TGFB1I1: variants seen among roughly 807,000 people sequenced by gnomAD.
The protein encoded by TGFB1I1 is transforming growth factor beta 1 induced transcript 1, also known as transforming growth factor beta-1-induced transcript 1 protein.
TGFB1I1 carries 33 observed loss-of-function variants against 52.0 expected under a neutral mutation model. The ratio of observed to expected loss-of-function variants is 0.63; its 90% confidence interval spans 0.48 to 0.85. The LOEUF (loss-of-function observed/expected upper bound fraction) is 0.85. TGFB1I1 is among the 40% of genes least tolerant of loss of function. The probability of loss-of-function intolerance (pLI) is 0.00; values close to 1 mark genes in which losing one functional copy is unlikely to be tolerated. For synonymous variants in TGFB1I1, 236 were observed against 253.3 expected, an observed-to-expected ratio of 0.93 and a Z score of 0.65; for missense variants, 577 against 614.9, an observed-to-expected ratio of 0.94 and a Z score of 0.65.
At chr16:31,475,767 C>T in intron 7 of TGFB1I1, 4 of 458,362 alleles carry the variant, frequency 8.7e-6, no homozygotes, top group Non-Finnish European at 1.5e-5. Context: ...TTTATGGGCC[C>T]CTAAATGTAT....
chr16:31,476,742 G>A lies in TGFB1I1; in HGVS notation c.971-120G>A, dbSNP rs1310733455. On this transcript the variant is annotated intron_variant, in intron 9 of 10. Transcript: ENST00000394863. This position sits in a 1 kb window ranked among gnomAD's most constrained non-coding sequence, Gnocchi z 7.6. The stretch of plus-strand genomic sequence containing the variant: ...CCCGCTCTGTCCCGCCATAGACCCG[G>A]CTCCTCCTTCCCCAAGGCTCCCTCG... 6 of 1,522,624 alleles carry A rather than the reference G, an allele frequency of 3.9e-6. No homozygotes were observed. Among genetic ancestry groups the A allele is most frequent in the African/African-American group, 1.4e-5 (1 of 72,612 alleles). The allele number at this position is 1,522,624 out of a possible 1,614,324, so 94.3% of individuals were successfully genotyped here. A position where few individuals can be genotyped will look rare whatever the true frequency, so the allele number is the denominator to read the frequency against.
Position 31,474,118 on chromosome 16 carries a change from C to A in TGFB1I1, c.326-34C>A, listed in dbSNP as rs1227456551. 2 of 1,611,754 alleles carry A rather than the reference C, an allele frequency of 1.2e-6. No homozygotes were observed. ...AAGTGTGAGGGTGCGTTGAGCATGG[C>A]CCTATATGTAGCGTCCTCCTCTCCT... On this transcript the variant is annotated intron_variant, in intron 4 of 10. Transcript: ENST00000394863. The surrounding 1 kb of genome is among the most constrained non-coding windows in gnomAD (Gnocchi z 4.2).
At position 31,473,671 on chromosome 16, in the gene TGFB1I1, C is replaced by T; in HGVS notation, c.130-11C>T. ...GGCCTGTCATCCCACCTGTGCGTCT[C>T]CGCTCTGTAGACAGGGTCTGGGGAG... On this transcript the variant is annotated splice_polypyrimidine_tract_variant and intron_variant, in intron 2 of 10. Transcript: ENST00000394863. 7 of 1,569,052 alleles carry T rather than the reference C, an allele frequency of 4.5e-6. No homozygotes were observed. The highest frequency in any genetic ancestry group is 6.1e-6 in the Non-Finnish European group (7 of 1,156,864).
rs561295563 is a variant in TGFB1I1, at chr16:31,476,491, C to G, written c.899C>G (p.Thr300Ser). The G allele has an allele frequency of 1.2e-6, 2 of 1,612,768 alleles. No homozygotes were observed. The highest frequency in any genetic ancestry group is 1.7e-6 in the Non-Finnish European group (2 of 1,179,726). ...CNQPIRHKMV[T>S]ALGTHWHPEH... is the part of the protein sequence containing the mutation. The stretch of plus-strand genomic sequence containing the variant: ...TCTCCCTCCCTGCAGAAGATGGTGA[C>G]CGCCTTGGGCACTCACTGGCACCCA... The change falls in exon 9 of 11, where the codon ACC (threonine) becomes AGC (serine). Residue 300 changes from threonine to serine, a missense_variant. Thr to Ser is a moderately conservative substitution (Grantham distance 58). Coordinates refer to ENST00000394863, the MANE Select transcript of TGFB1I1 (RefSeq NM_001042454.3). The surrounding 1 kb of genome is among the most constrained non-coding windows in gnomAD (Gnocchi z 7.6).
chr16:31,476,304 C>G lies in TGFB1I1; in HGVS notation c.888+119C>G. On this transcript the variant is annotated intron_variant, in intron 8 of 10. Coordinates refer to ENST00000394863, the MANE Select transcript of TGFB1I1 (RefSeq NM_001042454.3). This position sits in a 1 kb window ranked among gnomAD's most constrained non-coding sequence, Gnocchi z 7.6. ...ACCCCACTCCACCCCTACCCCTTCCCCTTGGCAATGTCCACGGCCCCTTGG... is the reference window on the plus strand; with the variant it reads ...ACCCCACTCCACCCCTACCCCTTCCGCTTGGCAATGTCCACGGCCCCTTGG... 7.0e-7 allele frequency: 1 copy of G among 1,422,704 alleles called. No individual in the cohort carries two copies. The highest frequency in any genetic ancestry group is 2.3e-5 in the East Asian group (1 of 42,946). The allele number at this position is 1,422,704 out of a possible 1,614,324, so 88.1% of individuals were successfully genotyped here.
chr16:31,477,482 G>A lies in TGFB1I1; in HGVS notation c.1292G>A (p.Cys431Tyr). ...CGCTTCCACCCGGACCACTTCACAT[G>A]CACCTTCTGCCTGCGCCCGCTCACC... is the stretch of plus-strand genomic sequence containing the variant. ...GRRFHPDHFT[C>Y]TFCLRPLTKG... Residue 431 changes from cysteine to tyrosine, a missense_variant, in exon 11 of 11, where the codon TGC (cysteine) becomes TAC (tyrosine). By Grantham distance (194) the Cys-to-Tyr change is radical. Around this residue, in one of 3 missense-constraint regions of TGFB1I1, gnomAD observed 456 missense variants for 461.6 expected, o/e 0.99. Transcript: ENST00000394863. This position sits in a 1 kb window ranked among gnomAD's most constrained non-coding sequence, Gnocchi z 4.7. 1 of 1,605,968 alleles carries A rather than the reference G, an allele frequency of 6.2e-7. No individual in the cohort carries two copies. The highest frequency in any genetic ancestry group is 8.5e-7 in the Non-Finnish European group (1 of 1,176,766).
In TGFB1I1 at chr16:31,476,425, G is replaced by C; in HGVS notation, c.889-56G>C. 6.4e-7 allele frequency: 1 copy of C among 1,551,878 alleles called. No homozygotes were observed. Among genetic ancestry groups the C allele is most frequent in the Non-Finnish European group, 8.8e-7 (1 of 1,137,364 alleles). On this transcript the variant is annotated intron_variant, in intron 8 of 10. Transcript: ENST00000394863. This position sits in a 1 kb window ranked among gnomAD's most constrained non-coding sequence, Gnocchi z 7.6. ...GTCCAGTCACCCGGGTTCCGCGCGG[G>C]AGAGGAAGGCGCGAAGGCACGGAGG... is the stretch of plus-strand genomic sequence containing the variant.
In TGFB1I1 at chr16:31,477,033, TTGGAGGGGCGG is replaced by T. The variant is rs755880725; in HGVS notation, c.1119+24_1119+34del. 204 of 1,547,666 alleles carry T rather than the reference TTGGAGGGGCGG, an allele frequency of 1.3e-4. 2 individuals are homozygous for T. The East Asian group carries it at 2.7e-3, about 21-fold the overall frequency. ...AGGGTGCGAGCTGCGGGGCGGGGCG[TTGGAGGGGCGG>T]GTCAAGGGTACAGGGCTGTGGGGCG... On this transcript the variant is annotated intron_variant, in intron 10 of 10. Coordinates refer to ENST00000394863, the MANE Select transcript of TGFB1I1 (RefSeq NM_001042454.3). The surrounding 1 kb of genome is among the most constrained non-coding windows in gnomAD (Gnocchi z 4.7).
chr16:31,473,665 G>A lies in TGFB1I1; in HGVS notation c.130-17G>A. The A allele has an allele frequency of 1.3e-6, 2 of 1,572,360 alleles. No individual in the cohort carries two copies. Among genetic ancestry groups the A allele is most frequent in the South Asian group, 2.4e-5 (2 of 83,972 alleles). On this transcript the variant is annotated splice_polypyrimidine_tract_variant and intron_variant, in intron 2 of 10. Transcript: ENST00000394863. ...AGTGCAGGCCTGTCATCCCACCTGTGCGTCTCCGCTCTGTAGACAGGGTCT... is the reference window on the plus strand; with the variant it reads ...AGTGCAGGCCTGTCATCCCACCTGTACGTCTCCGCTCTGTAGACAGGGTCT...
chr16:31,476,327 T>C lies in TGFB1I1; in HGVS notation c.888+142T>C. 1 of 1,271,262 alleles carries C rather than the reference T, an allele frequency of 7.9e-7. No individual in the cohort carries two copies. The highest frequency in any genetic ancestry group is 1.1e-6 in the Non-Finnish European group (1 of 923,356). The allele number at this position is 1,271,262 out of a possible 1,614,324, so 78.7% of individuals were successfully genotyped here. ...CCCCTTGGCAATGTCCACGGCCCCTTGGACTCCACTCTTCCTTTCTGACCC... is the reference window on the plus strand; with the variant it reads ...CCCCTTGGCAATGTCCACGGCCCCTCGGACTCCACTCTTCCTTTCTGACCC... On this transcript the variant is annotated intron_variant, in intron 8 of 10. Coordinates refer to ENST00000394863, the MANE Select transcript of TGFB1I1 (RefSeq NM_001042454.3). This position sits in a 1 kb window ranked among gnomAD's most constrained non-coding sequence, Gnocchi z 7.6.
chr16:31,476,297 C>T lies in TGFB1I1; in HGVS notation c.888+112C>T, dbSNP rs531488756. The T allele has an allele frequency of 6.9e-7, 1 of 1,447,078 alleles. No individual in the cohort carries two copies. Among genetic ancestry groups the T allele is most frequent in the Non-Finnish European group, 9.3e-7 (1 of 1,072,446 alleles). 89.6% of individuals were successfully genotyped at this position (1,447,078 alleles called of 1,614,324 possible). ...CCGCGATACCCCACTCCACCCCTAC[C>T]CCTTCCCCTTGGCAATGTCCACGGC... is the stretch of plus-strand genomic sequence containing the variant. On this transcript the variant is annotated intron_variant, in intron 8 of 10. Coordinates refer to ENST00000394863, the MANE Select transcript of TGFB1I1 (RefSeq NM_001042454.3). This position sits in a 1 kb window ranked among gnomAD's most constrained non-coding sequence, Gnocchi z 7.6.
chr16:31,476,677 G>T lies in TGFB1I1; in HGVS notation c.970+115G>T. 7.0e-7 allele frequency: 1 copy of T among 1,431,772 alleles called. No individual in the cohort carries two copies. The allele number at this position is 1,431,772 out of a possible 1,614,324, so 88.7% of individuals were successfully genotyped here. ...ATGGTTTTCCTTCTGCTCTCTTCTG[G>T]CCCTGCCCTCTCCTACACAGACTCC... is the stretch of plus-strand genomic sequence containing the variant. On this transcript the variant is annotated intron_variant, in intron 9 of 10. Transcript: ENST00000394863. The surrounding 1 kb of genome is among the most constrained non-coding windows in gnomAD (Gnocchi z 7.6).
At position 31,472,178 on chromosome 16, in the gene TGFB1I1, C is replaced by A. The variant is rs1260679404; in HGVS notation, c.-11C>A. The A allele has an allele frequency of 6.8e-7, 1 of 1,470,030 alleles. No individual in the cohort carries two copies. The highest frequency in any genetic ancestry group is 1.3e-5 in the South Asian group (1 of 75,788). 91.1% of individuals were successfully genotyped at this position (1,470,030 alleles called of 1,614,324 possible). On this transcript the variant is annotated 5_prime_UTR_variant, in exon 1 of 11. Coordinates refer to ENST00000394863, the MANE Select transcript of TGFB1I1 (RefSeq NM_001042454.3). The stretch of plus-strand genomic sequence containing the variant: ...CCCTGTTCGCCCCGCGCCACCGGCC[C>A]GCGCCCCGCCATGGAGGACCTGGGT...
At chr16:31,475,740 A>T (rs1002209755) in intron 7 of TGFB1I1, 4 of 389,290 alleles carry the variant, frequency 1.0e-5, no homozygotes, top group South Asian at 5.5e-5. Flanking sequence ...TTTTGATTTT[A>T]AAAAAATTAA....
Position 31,477,057 on chromosome 16 carries a change from G to A in TGFB1I1, c.1119+47G>A. 4.0e-6 allele frequency: 6 copies of A among 1,513,164 alleles called. No homozygotes were observed. Among genetic ancestry groups the A allele is most frequent in the Non-Finnish European group, 5.3e-6 (6 of 1,133,942 alleles). 93.7% of individuals were successfully genotyped at this position (1,513,164 alleles called of 1,614,324 possible). On this transcript the variant is annotated intron_variant, in intron 10 of 10. Transcript: ENST00000394863. This position sits in a 1 kb window ranked among gnomAD's most constrained non-coding sequence, Gnocchi z 4.7. ...GTTGGAGGGGCGGGTCAAGGGTACA[G>A]GGCTGTGGGGCGGGGCCTTGGAGGG...
chr16:31,477,166 G>A lies in TGFB1I1; in HGVS notation c.1120-144G>A. On this transcript the variant is annotated intron_variant, in intron 10 of 10. Coordinates refer to ENST00000394863, the MANE Select transcript of TGFB1I1 (RefSeq NM_001042454.3). The surrounding 1 kb of genome is among the most constrained non-coding windows in gnomAD (Gnocchi z 4.7). ...CTGCTAGGAACCTCGGGTGGGGCGA[G>A]TTTTCCGGGCAGGGTCCCACCGGAC... The A allele has an allele frequency of 1.4e-6, 2 of 1,434,332 alleles. No individual in the cohort carries two copies. The highest frequency in any genetic ancestry group is 5.0e-5 in the East Asian group (2 of 40,036). 88.9% of individuals were successfully genotyped at this position (1,434,332 alleles called of 1,614,324 possible).
chr16:31,476,351 C>G lies in TGFB1I1; in HGVS notation c.889-130C>G. On this transcript the variant is annotated intron_variant, in intron 8 of 10. Coordinates refer to ENST00000394863, the MANE Select transcript of TGFB1I1 (RefSeq NM_001042454.3). This position sits in a 1 kb window ranked among gnomAD's most constrained non-coding sequence, Gnocchi z 7.6. ...TTGGACTCCACTCTTCCTTTCTGACCCCCACGTTCCTAGTTAGATCTTCTC... is the reference window on the plus strand; with the variant it reads ...TTGGACTCCACTCTTCCTTTCTGACGCCCACGTTCCTAGTTAGATCTTCTC... 8.1e-7 allele frequency: 1 copy of G among 1,230,288 alleles called. No individual in the cohort carries two copies. The highest frequency in any genetic ancestry group is 1.1e-6 in the Non-Finnish European group (1 of 883,526). The allele number at this position is 1,230,288 out of a possible 1,614,324, so 76.2% of individuals were successfully genotyped here.
chr16:31,474,123 T>C lies in TGFB1I1; in HGVS notation c.326-29T>C. On this transcript the variant is annotated intron_variant, in intron 4 of 10. Coordinates refer to ENST00000394863, the MANE Select transcript of TGFB1I1 (RefSeq NM_001042454.3). The surrounding 1 kb of genome is among the most constrained non-coding windows in gnomAD (Gnocchi z 4.2). ...TGAGGGTGCGTTGAGCATGGCCCTA[T>C]ATGTAGCGTCCTCCTCTCCTCTCTC... 2 of 1,612,920 alleles carry C rather than the reference T, an allele frequency of 1.2e-6. No individual in the cohort carries two copies. Among genetic ancestry groups the C allele is most frequent in the Non-Finnish European group, 8.5e-7 (1 of 1,179,118 alleles).
rs2082412227 is a variant in TGFB1I1, at chr16:31,474,651, G to T, written c.608G>T (p.Ser203Ile). ...PSPPEPTGKG[S>I]LDTMLGLLQS... ...CCACCAGAGCCGACTGGCAAGGGCA[G>T]CCTAGACACCATGCTGGGGCTGCTG... The change falls in exon 7 of 11, where the codon AGC becomes ATC. Residue 203 changes from serine to isoleucine, a missense_variant. Physicochemically the swap from Ser to Ile is moderately radical, Grantham distance 142. Coordinates refer to ENST00000394863, the MANE Select transcript of TGFB1I1 (RefSeq NM_001042454.3). The surrounding 1 kb of genome is among the most constrained non-coding windows in gnomAD (Gnocchi z 4.2). The T allele has an allele frequency of 6.2e-7, 1 of 1,613,528 alleles. No homozygotes were observed. The highest frequency in any genetic ancestry group is 8.5e-7 in the Non-Finnish European group (1 of 1,179,886).
Sources: allele counts gnomAD v4.1 joint callset, GRCh38; gene constraint gnomAD v4.1.1; regional missense constraint gnomAD v4.1.1; non-coding constraint Gnocchi (gnomAD v3.1); transcripts MANE v1.5; gene names NCBI Gene and HGNC (gene_info 2026-07-23, HGNC 2026-07-21).